Variants in CALCR observed in about 807,000 individuals in gnomAD.
CALCR encodes the protein calcitonin receptor.
CALCR carries 47 observed loss-of-function variants against 59.5 expected under a neutral mutation model. That is an observed-to-expected ratio of 0.79 (90% CI 0.63 to 1.01). The LOEUF is 1.01. Ranked by LOEUF, CALCR falls within the 50% of genes least tolerant of loss-of-function variation. The pLI, the probability that CALCR is intolerant of heterozygous loss-of-function variation, is 0.00. For synonymous variants in CALCR, 213 were observed against 211.3 expected, an observed-to-expected ratio of 1.01 and a Z score of -0.07; for missense variants, 566 against 597.1, an observed-to-expected ratio of 0.95 and a Z score of 0.54.
At chr7:93,540,744 A>G (rs990882267) in intron 2 of CALCR, among the ~76,000 whole-genome samples, 6 of 60,222 alleles carry the variant, frequency 1.0e-4, no homozygotes, top group African/African-American at 1.5e-4. Flanking sequence ...ATATAATATT[A>G]TATTTATATT....
At chr7:93,431,866 C>A (rs1004132838) in intron 13 of CALCR, among the ~76,000 whole-genome samples, 1 of 152,178 alleles carries the variant, frequency 6.6e-6, no homozygotes, top group East Asian at 1.9e-4. Context: ...TTAGAACTTT[C>A]ATTTCTATGC....
At chr7:93,459,717 T>A (rs1343664146) in intron 8 of CALCR, among the ~76,000 whole-genome samples, 1 of 152,162 alleles carries the variant, frequency 6.6e-6, no homozygotes, top group African/African-American at 2.4e-5. Context: ...GGATTGGAAA[T>A]CACTGTGAAA....
At chr7:93,511,300 A>C (rs555806517) in intron 2 of CALCR, among the ~76,000 whole-genome samples, 1 of 152,244 alleles carries the variant, frequency 6.6e-6, no homozygotes, top group African/African-American at 2.4e-5. Flanking sequence ...GATCTTCTTA[A>C]ACTAGTACAT....
At chr7:93,566,221 C>G (rs79177932) in intron 2 of CALCR, among the ~76,000 whole-genome samples, 3,404 of 152,198 alleles carry the variant, frequency 0.022, 43 homozygotes, top group Non-Finnish European at 0.036. Flanking sequence ...CCTATGAAAT[C>G]CTAGAAGAAC....
At chr7:93,547,386 C>A (rs79165080) in intron 2 of CALCR, among the ~76,000 whole-genome samples, 4,307 of 152,210 alleles carry the variant, frequency 0.028, 121 homozygotes, top group Non-Finnish European at 0.039. Context: ...TTGCAAGTGT[C>A]AGTTATTATC....
At chr7:93,526,872 A>G (rs1349745134) in intron 2 of CALCR, among the ~76,000 whole-genome samples, 1 of 152,096 alleles carries the variant, frequency 6.6e-6, no homozygotes, top group Non-Finnish European at 1.5e-5. Flanking sequence ...GTGACCAATT[A>G]AAAATAAAAT....
intron 9 of CALCR, chr7:93,441,435 T>C: frequency 2.3e-6 from 1 of 426,782 alleles, no homozygotes; most frequent in Non-Finnish European, 4.6e-6. Flanking sequence ...GATTAAATTG[T>C]ATCCAGTCTA....
At chr7:93,540,178 G>A (rs1789094517) in intron 2 of CALCR, among the ~76,000 whole-genome samples, 1 of 152,188 alleles carries the variant, frequency 6.6e-6, no homozygotes, top group Admixed American at 6.6e-5. Flanking sequence ...GACTTGAAAA[G>A]CAGGTAATTC....
rs143367149 is a variant in CALCR, at chr7:93,438,105, G to C, written c.885C>G (p.Thr295=). ...GTCCATGGATTATGTAAAGCAAATG[G>C]GTTTCCACACTCAGCCAGCAGCTGA... ...FNDNCWLSVE[T]HLLYIIHGPV... Residue 295 remains threonine, a synonymous_variant, in exon 11 of 14, where the codon ACC becomes ACG. Transcript: ENST00000426151. 2.5e-6 allele frequency: 4 copies of C among 1,613,708 alleles called. No homozygotes were observed. The African/African-American group carries it at 4.0e-5, about 16-fold the overall frequency.
At chr7:93,497,068 C>G (rs865938195) in intron 2 of CALCR, among the ~76,000 whole-genome samples, 5 of 151,682 alleles carry the variant, frequency 3.3e-5, no homozygotes, top group Middle Eastern at 3.4e-3. Flanking sequence ...AAATGTCTAT[C>G]TAAATCCAGG....
chr7:93,458,024 G>A (rs1047791177), intron 8 of CALCR, among the ~76,000 whole-genome samples: 2 of 151,974 alleles, frequency 1.3e-5, no homozygotes, highest in Non-Finnish European at 2.9e-5. Flanking sequence ...TCCATTGCTC[G>A]GATATTGCAA....
chr7:93,424,984 A>G lies in CALCR; in HGVS notation c.*1372T>C, dbSNP rs1273972232. On this transcript the variant is annotated 3_prime_UTR_variant, in exon 14 of 14. Transcript: ENST00000426151. ...CTGAAAGGCAGTGGCAAAATATGAC[A>G]TAGATGAGACTGGAGATTTGGAGGG... is the stretch of plus-strand genomic sequence containing the variant. The G allele has an allele frequency of 6.6e-6, 1 of 152,636 alleles. No homozygotes were observed. The highest frequency in any genetic ancestry group is 1.5e-5 in the Non-Finnish European group (1 of 68,014). The allele number at this position is 152,636 out of a possible 1,614,324, so 9.5% of individuals were successfully genotyped here. A position where few individuals can be genotyped will look rare whatever the true frequency, so the allele number is the denominator to read the frequency against.
chr7:93,564,331 T>G (rs968609209), intron 2 of CALCR, among the ~76,000 whole-genome samples: 1 of 152,186 alleles, frequency 6.6e-6, no homozygotes, highest in Non-Finnish European at 1.5e-5. Context: ...CTGGTCTGGC[T>G]ACCTTAGAGG....
chr7:93,468,797 C>T lies in CALCR; in HGVS notation c.439G>A (p.Val147Ile), dbSNP rs761180499. ...CCCACAATAGCCAAATAGTACAGAA[C>T]ATATGCATTCTGGAACAACAAAAAG... ...FTPEKLKNAY[V>I]LYYLAIVGHS... is the part of the protein sequence containing the mutation. Residue 147 changes from valine (V) to isoleucine (I), a missense_variant, in exon 7 of 14, where the codon GTT (valine) becomes ATT (isoleucine). Transcript: ENST00000426151. The T allele has an allele frequency of 5.6e-6, 9 of 1,596,332 alleles. No homozygotes were observed. Among genetic ancestry groups the T allele is most frequent in the Admixed American group, 1.7e-5 (1 of 58,396 alleles).
At chr7:93,514,891 A>G (rs11486958) in intron 2 of CALCR, among the ~76,000 whole-genome samples, 4,129 of 152,108 alleles carry the variant, frequency 0.027, 208 homozygotes, top group African/African-American at 0.095. Flanking sequence ...AATCTAGGTT[A>G]TTTAGAAATA....
intron 2 of CALCR, among the ~76,000 whole-genome samples, chr7:93,505,095 C>T (rs1179988231): frequency 2.6e-5 from 4 of 151,596 alleles, no homozygotes; most frequent in African/African-American, 9.7e-5. Context: ...TCAAGGACAC[C>T]TGAAAAAGGC....
intron 2 of CALCR, among the ~76,000 whole-genome samples, chr7:93,523,932 T>C (rs1801819374): frequency 1.3e-5 from 2 of 152,068 alleles, no homozygotes; most frequent in Non-Finnish European, 2.9e-5. Context: ...TAATAATTTC[T>C]CTAATGGATG....
intron 13 of CALCR, among the ~76,000 whole-genome samples, chr7:93,432,154 T>C (rs1301091697): frequency 3.9e-5 from 6 of 152,192 alleles, no homozygotes; most frequent in Non-Finnish European, 8.8e-5. Flanking sequence ...ATACCAATAA[T>C]GAATCAAAAT....
chr7:93,426,479 C>T lies in CALCR; in HGVS notation c.1302G>A (p.Glu434=). 6.2e-7 allele frequency: 1 copy of T among 1,613,866 alleles called. No homozygotes were observed. Among genetic ancestry groups the T allele is most frequent in the Non-Finnish European group, 8.5e-7 (1 of 1,179,766 alleles). The change falls in exon 14 of 14, where the codon GAG becomes GAA. Residue 434 remains glutamate, a synonymous_variant. Transcript: ENST00000426151. The stretch of plus-strand genomic sequence containing the variant: ...AGATGTAAATTGGGATGTCGCCAGC[C>T]TCCGCAGCAGCGGCTGCAGCGCGAG... ...RSARAAAAAA[E]AGDIPIYICH...
Sources: gnomAD v4.1 joint callset for allele counts (sites outside exome capture counted in the v4.1 genomes callset) on GRCh38, gnomAD v4.1.1 for gene constraint, MANE v1.5 for transcripts, NCBI Gene and HGNC (gene_info 2026-07-23, HGNC 2026-07-21) for gene names.